Variants in PLXNA4 observed in about 807,000 individuals in gnomAD.
PLXNA4 encodes the protein plexin-A4.
PLXNA4 carries 44 observed loss-of-function variants against 191.8 expected under a neutral mutation model. The observed-to-expected ratio is 0.23, with a 90% CI of 0.18 to 0.29. The LOEUF is 0.29. Ranked by LOEUF, PLXNA4 falls within the 10% of genes least tolerant of loss-of-function variation. PLXNA4 has a pLI of 1.00. For missense variants in PLXNA4, 1,800 were observed against 2,488.8 expected (o/e 0.72, Z 5.89); for synonymous variants, 1,082 against 1,009.5 (o/e 1.07, Z -1.36).
intron 2 of PLXNA4, among the ~76,000 whole-genome samples, chr7:132,489,693 C>T (rs750895067): frequency 1.3e-5 from 2 of 152,084 alleles, no homozygotes; most frequent in East Asian, 1.9e-4. Flanking sequence ...AACACAGGTC[C>T]GCAGGTCTCC....
intron 1 of PLXNA4, among the ~76,000 whole-genome samples, chr7:132,563,860 CT>C (rs1204171881): frequency 1.8e-5 from 2 of 109,456 alleles, no homozygotes; most frequent in African/African-American, 3.4e-5. Context: ...GCTCCTCCTC[CT>C]CCTCTCCTCT....
chr7:132,576,969 GCGGCCGCCCCCCGGCAGCCCGCGGC>G (rs1267185139), upstream of PLXNA4: 4 of 146,656 alleles, frequency 2.7e-5, no homozygotes, highest in South Asian at 2.1e-4. The surrounding 1 kb of genome is among the most constrained non-coding windows in gnomAD (Gnocchi z 5.8). Context: ...CTGGGTAGCG[GCGGCCGCCCCCCGGCAGCCCGCGGC>G]CGGCCGCGCC....
chr7:132,209,385 G>A (rs1317973858), intron 10 of PLXNA4, among the ~76,000 whole-genome samples: 2 of 152,230 alleles, frequency 1.3e-5, no homozygotes, highest in African/African-American at 4.8e-5. Flanking sequence ...TTTCTATAGG[G>A]AGGGTCTTGT....
intron 3 of PLXNA4, among the ~76,000 whole-genome samples, chr7:132,393,164 C>T (rs1793585285): frequency 6.6e-6 from 1 of 151,874 alleles, no homozygotes; most frequent in African/African-American, 2.4e-5. Flanking sequence ...TGCTTACCTT[C>T]TCTATCAGCA....
intron 1 of PLXNA4, among the ~76,000 whole-genome samples, chr7:132,574,741 C>T (rs962049304): frequency 3.9e-5 from 6 of 152,152 alleles, no homozygotes; most frequent in Non-Finnish European, 7.4e-5. Flanking sequence ...TGCGCTTCTC[C>T]CCAGCCTAGC....
chr7:132,372,475 G>A (rs1804486148), intron 3 of PLXNA4, among the ~76,000 whole-genome samples: 1 of 152,160 alleles, frequency 6.6e-6, no homozygotes, highest in South Asian at 2.1e-4. Context: ...AGGAGGTCAG[G>A]TAGATCTATG....
chr7:132,210,338 C>G (rs1225282360), intron 10 of PLXNA4, among the ~76,000 whole-genome samples: 5 of 152,178 alleles, frequency 3.3e-5, no homozygotes, highest in African/African-American at 1.2e-4. Flanking sequence ...CTGTCGGCAG[C>G]CTGGGGGCTG....
intron 3 of PLXNA4, among the ~76,000 whole-genome samples, chr7:132,370,515 T>C (rs146861846): frequency 6.6e-6 from 1 of 152,346 alleles, no homozygotes; most frequent in East Asian, 1.9e-4. Flanking sequence ...TATCCATTTG[T>C]ATTTGGATGC....
intron 4 of PLXNA4, among the ~76,000 whole-genome samples, chr7:132,253,027 G>A (rs923738326): frequency 6.6e-6 from 1 of 152,152 alleles, no homozygotes; most frequent in Non-Finnish European, 1.5e-5. Context: ...CAAACCTCGT[G>A]CAAAGAATAA....
intron 20 of PLXNA4, among the ~76,000 whole-genome samples, chr7:132,177,254 C>T (rs1029245220): frequency 1.3e-5 from 2 of 152,126 alleles, no homozygotes; most frequent in African/African-American, 4.8e-5. Context: ...GGTGTGTGGG[C>T]CTGTGTGGGA....
chr7:132,602,831 A>G (rs963338306), intron 2 of PLXNA4, among the ~76,000 whole-genome samples: 6 of 152,184 alleles, frequency 3.9e-5, no homozygotes, highest in Non-Finnish European at 5.9e-5. Context: ...TCACCTTTCA[A>G]TGGATTCTTC....
At chr7:132,205,288 GC>G (rs1797578200) in intron 10 of PLXNA4, among the ~76,000 whole-genome samples, 1 of 152,142 alleles carries the variant, frequency 6.6e-6, no homozygotes, top group South Asian at 2.1e-4. Context: ...CACCCGGGGG[GC>G]CTACTAAAAT....
At chr7:132,134,999 C>G (rs1019781465) in intron 30 of PLXNA4, among the ~76,000 whole-genome samples, 8 of 152,164 alleles carry the variant, frequency 5.3e-5, no homozygotes, top group South Asian at 2.1e-4. Context: ...TGCAGCGAGA[C>G]TTGATTCATT....
intron 24 of PLXNA4, among the ~76,000 whole-genome samples, chr7:132,163,247 C>T (rs542833973): frequency 2.0e-5 from 3 of 152,168 alleles, no homozygotes; most frequent in Non-Finnish European, 2.9e-5. Flanking sequence ...CAGTGAGCAG[C>T]GAGTGGACGC....
At chr7:132,579,301 A>G (rs1288138347), upstream of PLXNA4, among the ~76,000 whole-genome samples, 3 of 152,070 alleles carry the variant, frequency 2.0e-5, no homozygotes, top group Non-Finnish European at 4.4e-5. Flanking sequence ...CTTTCAGGGT[A>G]TGTCATAAAA....
chr7:132,595,000 G>A (rs1483870391), intron 2 of PLXNA4, among the ~76,000 whole-genome samples: 2 of 26,818 alleles, frequency 7.5e-5, no homozygotes, highest in Non-Finnish European at 2.4e-4. Context: ...TAGATAGATA[G>A]ATAGATAGAT....
chr7:132,442,774 C>T (rs1039537306), intron 3 of PLXNA4, among the ~76,000 whole-genome samples: 3 of 152,214 alleles, frequency 2.0e-5, no homozygotes, highest in Admixed American at 6.5e-5. Context: ...CCAAGCTGCC[C>T]GCATCAGCAA....
At chr7:132,591,793 C>T (rs1334972081) in intron 2 of PLXNA4, among the ~76,000 whole-genome samples, 2 of 152,164 alleles carry the variant, frequency 1.3e-5, no homozygotes, top group Admixed American at 6.5e-5. Context: ...CGGCATCTGC[C>T]ACAGTCCTTC....
chr7:132,274,974 A>G (rs1208803204), intron 4 of PLXNA4, among the ~76,000 whole-genome samples: 2 of 151,960 alleles, frequency 1.3e-5, no homozygotes, highest in Non-Finnish European at 2.9e-5. Flanking sequence ...AACTTTGATC[A>G]TTTGGTTAAG....
Sources: gnomAD v4.1 joint callset for allele counts (sites outside exome capture counted in the v4.1 genomes callset) on GRCh38, gnomAD v4.1.1 for gene constraint, Gnocchi (gnomAD v3.1) non-coding constraint, MANE v1.5 for transcripts, NCBI Gene and HGNC (gene_info 2026-07-23, HGNC 2026-07-21) for gene names.